Variants in STARD13 observed in about 807,000 individuals in gnomAD.
STARD13 encodes stAR-related lipid transfer protein 13.
A neutral mutation model predicts 106.4 loss-of-function variants in STARD13; 62 were observed. The observed-to-expected ratio is 0.58, with a 90% confidence interval of 0.48 to 0.72. STARD13 has a LOEUF of 0.72. Ranked by LOEUF, STARD13 falls within the 30% of genes least tolerant of loss-of-function variation. The pLI, the probability that STARD13 is intolerant of heterozygous loss-of-function variation, is 0.00. For synonymous variants in STARD13, 565 were observed against 553.0 expected (o/e 1.02, Z -0.31); for missense variants, 1,387 against 1,424.0 (o/e 0.97, Z 0.42).
chr13:33,297,719 T>A (rs566392446), intron 1 of STARD13, among the ~76,000 whole-genome samples: 1 of 152,336 alleles, frequency 6.6e-6, no homozygotes, highest in African/African-American at 2.4e-5. Context: ...TCTCCATTTT[T>A]AAAATATTCT....
intron 1 of STARD13, among the ~76,000 whole-genome samples, chr13:33,255,102 C>CA (rs949795831): frequency 7.0e-6 from 1 of 143,482 alleles, no homozygotes; most frequent in Non-Finnish European, 1.6e-5. Flanking sequence ...GTGTGCTCCC[C>CA]CCCCCCTCAG....
chr13:33,181,267 TACATAC>T (rs1314833384), intron 1 of STARD13, among the ~76,000 whole-genome samples: 13 of 142,428 alleles, frequency 9.1e-5, no homozygotes, highest in Admixed American at 7.6e-4. Flanking sequence ...CACTCACACA[TACATAC>T]ACACACACAC....
rs185712777 is a variant in STARD13, at chr13:33,257,551, T to C, written c.169+27919A>G. On this transcript the variant is annotated intron_variant, in intron 1 of 13. Coordinates refer to ENST00000336934, the MANE Select transcript of STARD13 (RefSeq NM_178006.4). ...CCCTGGAGCCTGAAGACATTTGAGA[T>C]GGATACACCTAAGGAGAGGAGGAGA... 2.6e-5 allele frequency among the ~76,000 whole-genome samples: 4 copies of C among 152,180 alleles called. No individual in the cohort carries two copies. In the East Asian group the frequency reaches 7.7e-4, roughly 29 times the overall value.
At chr13:33,454,059 C>T in the STARD13 span, among the ~76,000 whole-genome samples, 1 of 152,192 alleles carries the variant, frequency 6.6e-6, no homozygotes, top group African/African-American at 2.4e-5. Context: ...AAAGGGCTTT[C>T]TACTTGTGGA....
chr13:33,188,937 T>A (rs985505142), intron 1 of STARD13, among the ~76,000 whole-genome samples: 3 of 152,214 alleles, frequency 2.0e-5, no homozygotes, highest in Admixed American at 6.5e-5. Context: ...TAACTTTGCT[T>A]TCTAGGCTTA....
the STARD13 span, among the ~76,000 whole-genome samples, chr13:33,568,061 T>C: frequency 4.1e-5 from 6 of 148,142 alleles, 1 homozygote; most frequent in African/African-American, 1.5e-4. Context: ...TAATAGTCAA[T>C]ATATTTTAAA....
At chr13:33,584,520 C>T in the STARD13 span, among the ~76,000 whole-genome samples, 4 of 151,892 alleles carry the variant, frequency 2.6e-5, no homozygotes, top group African/African-American at 9.7e-5. Context: ...CCATCAGGCC[C>T]CACCTCTAAC....
chr13:33,518,914 T>A, the STARD13 span, among the ~76,000 whole-genome samples: 1 of 152,090 alleles, frequency 6.6e-6, no homozygotes, highest in African/African-American at 2.4e-5. Context: ...GCTATTCCAA[T>A]GGGTCCTGTC....
intron 1 of STARD13, among the ~76,000 whole-genome samples, chr13:33,218,527 G>C (rs1194106817): frequency 2.0e-5 from 3 of 152,170 alleles, no homozygotes; most frequent in Admixed American, 2.0e-4. Context: ...CTCTACTGAA[G>C]TGAATAGGGG....
intron 1 of STARD13, among the ~76,000 whole-genome samples, chr13:33,175,451 TAG>T (rs1388354391): frequency 6.6e-6 from 1 of 152,200 alleles, no homozygotes; most frequent in East Asian, 1.9e-4. Flanking sequence ...ACCAAGCCAG[TAG>T]AGTCTTCAGT....
chr13:33,105,469 C>A lies in STARD13; in HGVS notation c.*124G>T. ...CAACATTCCAACTTCTTAACGTTTCCATTTTTAGGCATTAACCGCGTCCTT... is the reference window on the plus strand; with the variant it reads ...CAACATTCCAACTTCTTAACGTTTCAATTTTTAGGCATTAACCGCGTCCTT... On this transcript the variant is annotated 3_prime_UTR_variant, in exon 14 of 14. Coordinates refer to ENST00000336934, the MANE Select transcript of STARD13 (RefSeq NM_178006.4). The A allele has an allele frequency of 1.5e-6, 1 of 678,884 alleles. No homozygotes were observed. The highest frequency in any genetic ancestry group is 2.6e-6 in the Non-Finnish European group (1 of 386,322). The allele number at this position is 678,884 out of a possible 1,614,324, so 42.1% of individuals were successfully genotyped here.
the STARD13 span, among the ~76,000 whole-genome samples, chr13:33,428,069 C>A: frequency 3.3e-5 from 5 of 151,964 alleles, no homozygotes; most frequent in East Asian, 9.7e-4. Flanking sequence ...TAGGAACATA[C>A]AATGGGGACA....
intron 1 of STARD13, among the ~76,000 whole-genome samples, chr13:33,317,540 T>A (rs1165720581): frequency 2.0e-5 from 3 of 152,120 alleles, no homozygotes; most frequent in Non-Finnish European, 4.4e-5. Flanking sequence ...GGAACACTCA[T>A]CCCCCTGATC....
At chr13:33,357,735 A>T in the STARD13 span, among the ~76,000 whole-genome samples, 1 of 152,222 alleles carries the variant, frequency 6.6e-6, no homozygotes, top group East Asian at 1.9e-4. Context: ...GTTCAAGACC[A>T]GCCTGGCCAA....
chr13:33,189,403 C>A (rs1367273724), intron 1 of STARD13, among the ~76,000 whole-genome samples: 1 of 111,010 alleles, frequency 9.0e-6, no homozygotes, highest in East Asian at 3.1e-4. Context: ...AGTCCCTTCC[C>A]TTTCCTCCTG....
the STARD13 span, among the ~76,000 whole-genome samples, chr13:33,466,536 T>G: frequency 6.6e-6 from 1 of 152,194 alleles, no homozygotes; most frequent in Non-Finnish European, 1.5e-5. Context: ...AATATTTTAA[T>G]GCTAAGCTCC....
intron 1 of STARD13, among the ~76,000 whole-genome samples, chr13:33,218,545 C>T (rs896275560): frequency 2.0e-5 from 3 of 152,134 alleles, no homozygotes; most frequent in South Asian, 2.1e-4. Flanking sequence ...GGGTCTGGTA[C>T]GACAATATTC....
At chr13:33,484,826 A>T in the STARD13 span, among the ~76,000 whole-genome samples, 2 of 152,238 alleles carry the variant, frequency 1.3e-5, no homozygotes, top group Non-Finnish European at 2.9e-5. Flanking sequence ...GTTAGGGAAG[A>T]TAAACCAAGA....
the STARD13 span, among the ~76,000 whole-genome samples, chr13:33,550,255 C>A: frequency 6.6e-6 from 1 of 152,168 alleles, no homozygotes; most frequent in Non-Finnish European, 1.5e-5. Flanking sequence ...ATCCCTAATT[C>A]TCTATGCCTT....
Sources: gnomAD v4.1 joint callset for allele counts (sites outside exome capture counted in the v4.1 genomes callset) on GRCh38, gnomAD v4.1.1 for gene constraint, MANE v1.5 for transcripts, NCBI Gene and HGNC (gene_info 2026-07-23, HGNC 2026-07-21) for gene names.